The following BCHE variants were observed in gnomAD, a reference collection of about 807,000 sequenced individuals.
BCHE encodes cholinesterase.
BCHE carries 48 observed loss-of-function variants against 51.3 expected under a neutral mutation model. That is an observed-to-expected ratio of 0.94 (90% confidence interval 0.74 to 1.19). The LOEUF (loss-of-function observed/expected upper bound fraction) is 1.19. Among genes scored for constraint, BCHE ranks in the 50% most tolerant of loss-of-function variants. The pLI, the probability that BCHE is intolerant of heterozygous loss-of-function variation, is 0.00. For missense variants in BCHE, 847 were observed against 708.2 expected (o/e 1.20, Z -2.23); for synonymous variants, 251 against 238.0 (o/e 1.05, Z -0.50).
At chr3:165,836,853 GA>G (rs933308623) in intron 1 of BCHE, among the ~76,000 whole-genome samples, 1 of 151,758 alleles carries the variant, frequency 6.6e-6, no homozygotes, top group Admixed American at 6.6e-5. Flanking sequence ...TGTTGATTGA[GA>G]AAAGTATTTT....
chr3:165,800,091 T>C (rs1280083685), intron 2 of BCHE, among the ~76,000 whole-genome samples: 1 of 152,102 alleles, frequency 6.6e-6, no homozygotes, highest in Non-Finnish European at 1.5e-5. Flanking sequence ...CAGGTAACAA[T>C]TTTCTGGGTA....
chr3:165,801,372 T>C (rs1331407408), intron 2 of BCHE, among the ~76,000 whole-genome samples: 1 of 152,224 alleles, frequency 6.6e-6, no homozygotes, highest in Non-Finnish European at 1.5e-5. Context: ...CTCATGACTG[T>C]CATTCAGAAA....
In BCHE at chr3:165,800,025, A is replaced by ATT. The variant is rs576155706; in HGVS notation, c.1518-13716_1518-13715dup. ...CAATTATTTCTCATGGAACTACTTT[A>ATT]TTAGCGTGCAATTAGAAGTATTTTA... On this transcript the variant is annotated intron_variant, in intron 2 of 3. Transcript: ENST00000264381. Among the ~76,000 whole-genome samples the ATT allele has an allele frequency of 1.7e-3, 259 of 151,896 alleles. 2 individuals carry two copies. The highest frequency in any genetic ancestry group is 6.0e-3 in the African/African-American group (247 of 41,432).
At chr3:165,792,618 T>C (rs998862577) in intron 2 of BCHE, among the ~76,000 whole-genome samples, 3 of 152,188 alleles carry the variant, frequency 2.0e-5, no homozygotes, top group African/African-American at 7.2e-5. Context: ...CTAATATTAA[T>C]ATAGATTTGA....
chr3:165,782,309 T>TTG (rs1423297316), intron 3 of BCHE, among the ~76,000 whole-genome samples: 15 of 152,068 alleles, frequency 9.9e-5, no homozygotes, highest in Non-Finnish European at 1.2e-4. Flanking sequence ...ACAACTTGCT[T>TTG]TGTGTGTGGG....
At chr3:165,787,677 C>T (rs930463084) in intron 2 of BCHE, among the ~76,000 whole-genome samples, 6 of 151,778 alleles carry the variant, frequency 4.0e-5, no homozygotes, top group African/African-American at 7.2e-5. Context: ...GACGAAAAAA[C>T]TAGTTTTGTT....
At chr3:165,802,416 C>T (rs148480425) in intron 2 of BCHE, among the ~76,000 whole-genome samples, 3 of 152,240 alleles carry the variant, frequency 2.0e-5, no homozygotes, top group East Asian at 3.9e-4. Flanking sequence ...GAAAGGATTG[C>T]TCCAACATAG....
Position 165,773,385 on chromosome 3 carries a change from G to A in BCHE, c.1806C>T (p.Leu602=). The change falls in exon 4 of 4, where the codon CTC becomes CTT. Residue 602 remains leucine, a synonymous_variant. Coordinates refer to ENST00000264381, the MANE Select transcript of BCHE (RefSeq NM_000055.4). ...YTSKKESCVG[L] ...CTATAAAGGGTAAATCTATTAATTA[G>A]AGACCCACACAACTTTCTTTCTTGC... The A allele has an allele frequency of 6.2e-7, 1 of 1,610,204 alleles. No homozygotes were observed. Among genetic ancestry groups the A allele is most frequent in the South Asian group, 1.1e-5 (1 of 90,880 alleles).
intron 2 of BCHE, among the ~76,000 whole-genome samples, chr3:165,795,439 A>C (rs1713339319): frequency 6.6e-6 from 1 of 152,204 alleles, no homozygotes; most frequent in Admixed American, 6.5e-5. Flanking sequence ...AGAAAAAATT[A>C]GTTACCAAAG....
intron 3 of BCHE, 42 bp downstream of exon 3, chr3:165,786,103 C>A: frequency 6.3e-7 from 1 of 1,580,948 alleles, no homozygotes; most frequent in East Asian, 2.2e-5. Context: ...TTTTACATAA[C>A]CCATCATCTA....
At chr3:165,800,221 A>C (rs1713586109) in intron 2 of BCHE, among the ~76,000 whole-genome samples, 1 of 152,066 alleles carries the variant, frequency 6.6e-6, no homozygotes, top group Admixed American at 6.5e-5. Flanking sequence ...TCTTCCATTC[A>C]GTGTTTTATT....
chr3:165,776,960 A>G (rs1165715673), intron 3 of BCHE, among the ~76,000 whole-genome samples: 1 of 151,802 alleles, frequency 6.6e-6, no homozygotes, highest in Non-Finnish European at 1.5e-5. Context: ...CATGTAAAAT[A>G]CGGTAATATA....
At chr3:165,786,030 T>A in intron 3 of BCHE, 115 bp downstream of exon 3, 4 of 1,149,554 alleles carry the variant, frequency 3.5e-6, no homozygotes, top group Non-Finnish European at 5.1e-6. Context: ...CCAAGTTATT[T>A]TAAAGTCAGA....
rs1249005880 is a variant in BCHE, at chr3:165,829,523, T to G, written c.1511A>C (p.Lys504Thr). Residue 504 changes from lysine (K) to threonine (T), a missense_variant, in exon 2 of 4, where the codon AAA becomes ACA. Transcript: ENST00000264381. ...SIVKRWANFA[K>T]YGNPNETQNN... The stretch of plus-strand genomic sequence containing the variant: ...GACAAAAATCAGCACTTACCCATAT[T>G]TTGCAAAATTTGCCCACCGTTTCAC... 1.2e-6 allele frequency: 2 copies of G among 1,613,342 alleles called. No individual in the cohort carries two copies. The highest frequency in any genetic ancestry group is 1.7e-6 in the Non-Finnish European group (2 of 1,179,478).
chr3:165,817,182 C>T (rs965787286), intron 2 of BCHE, among the ~76,000 whole-genome samples: 1 of 152,024 alleles, frequency 6.6e-6, no homozygotes, highest in South Asian at 2.1e-4. Flanking sequence ...TTATATTCCA[C>T]ATCCAATATC....
intron 2 of BCHE, among the ~76,000 whole-genome samples, chr3:165,795,116 AAG>A: frequency 6.6e-6 from 1 of 152,322 alleles, no homozygotes; most frequent in African/African-American, 2.4e-5. Context: ...TTTATTAAAA[AAG>A]AAACTCACAT....
chr3:165,803,328 G>A (rs1415738103), intron 2 of BCHE, among the ~76,000 whole-genome samples: 1 of 152,074 alleles, frequency 6.6e-6, no homozygotes, highest in Non-Finnish European at 1.5e-5. Flanking sequence ...GTAAATACAT[G>A]CTAAGGAAAA....
intron 2 of BCHE, among the ~76,000 whole-genome samples, chr3:165,788,252 A>C (rs1713035143): frequency 6.6e-6 from 1 of 152,054 alleles, no homozygotes; most frequent in African/African-American, 2.4e-5. Context: ...ATGCACCATA[A>C]ATTCATATTT....
intron 2 of BCHE, among the ~76,000 whole-genome samples, chr3:165,817,995 A>G (rs1330619341): frequency 6.6e-6 from 1 of 152,098 alleles, no homozygotes; most frequent in Admixed American, 6.6e-5. Flanking sequence ...TATACTGAAA[A>G]GTATTATTTA....
Sources: allele counts gnomAD v4.1 joint callset (sites outside exome capture counted in the v4.1 genomes callset), GRCh38; gene constraint gnomAD v4.1.1; transcripts MANE v1.5; gene names NCBI Gene and HGNC (gene_info 2026-07-23, HGNC 2026-07-21).